The following RBFOX3 variants were observed in gnomAD, a reference collection of about 807,000 sequenced individuals.
RBFOX3 encodes the protein RNA binding protein fox-1 homolog 3.
In RBFOX3, 17 loss-of-function variants were observed where a neutral mutation model predicts 48.7. The observed-to-expected ratio is 0.35, with a 90% CI of 0.24 to 0.52. The LOEUF (loss-of-function observed/expected upper bound fraction) is 0.52. Ranked by LOEUF, RBFOX3 falls within the 20% of genes least tolerant of loss-of-function variation. RBFOX3 has a pLI of 0.94. For synonymous variants in RBFOX3, 212 were observed against 209.5 expected (o/e 1.01, Z -0.10); for missense variants, 382 against 497.5 (o/e 0.77, Z 2.21).
chr17:79,626,686 G>A, the RBFOX3 span, among the ~76,000 whole-genome samples: 2 of 152,202 alleles, frequency 1.3e-5, no homozygotes, highest in Non-Finnish European at 2.9e-5. Context: ...CAGCTCCCGG[G>A]TCACACACTG....
Position 79,138,789 on chromosome 17 carries a change from ACGCCCCCTTACCCACACACATGCG to A in RBFOX3, c.-33-23065_-33-23042del, listed in dbSNP as rs1440531786. 5.5e-3 allele frequency among the ~76,000 whole-genome samples: 155 copies of A among 27,976 alleles called. No homozygotes were observed. The Middle Eastern group carries it at 0.06, about 11-fold the overall frequency. 18.4% of individuals were successfully genotyped at this position (27,976 alleles called of 152,430 possible). A position where few individuals can be genotyped will look rare whatever the true frequency, so the allele number is the denominator to read the frequency against. On this transcript the variant is annotated intron_variant, in intron 4 of 14. Coordinates refer to ENST00000693108, the MANE Select transcript of RBFOX3 (RefSeq NM_001350451.2). ...AAACATGCACACAGCACATGCCTTC[ACGCCCCCTTACCCACACACATGCG>A]TTCACACCCCCTCACCCACACACAT...
chr17:79,252,999 T>A lies in RBFOX3; in HGVS notation c.-73-17194A>T, dbSNP rs956097926. Reference sequence around the variant, plus strand: ...AGTCCCTCTCTGAGCAGCCTCTGCTTCCCAGATGGAGCCTCTGGCCCTGAC... The same window carrying A: ...AGTCCCTCTCTGAGCAGCCTCTGCTACCCAGATGGAGCCTCTGGCCCTGAC... On this transcript the variant is annotated intron_variant, in intron 3 of 14. Coordinates refer to ENST00000693108, the MANE Select transcript of RBFOX3 (RefSeq NM_001350451.2). The surrounding 1 kb of genome is among the most constrained non-coding windows in gnomAD (Gnocchi z 4.0). 6.6e-6 allele frequency among the ~76,000 whole-genome samples: 1 copy of A among 152,156 alleles called. No homozygotes were observed. The highest frequency in any genetic ancestry group is 2.4e-5 in the African/African-American group (1 of 41,420).
At chr17:79,592,451 AG>A (rs1394429692) in intron 1 of RBFOX3, among the ~76,000 whole-genome samples, 5 of 151,134 alleles carry the variant, frequency 3.3e-5, no homozygotes, top group African/African-American at 1.2e-4. Context: ...GTGTGTGGAC[AG>A]GTGTGCATGT....
intron 2 of RBFOX3, among the ~76,000 whole-genome samples, chr17:79,345,097 T>C (rs1319829082): frequency 6.6e-6 from 1 of 152,252 alleles, no homozygotes. Flanking sequence ...CTGTTGTTTT[T>C]GCTGAACTCT....
At chr17:79,132,429 G>A (rs1381228436) in intron 4 of RBFOX3, among the ~76,000 whole-genome samples, 1 of 152,240 alleles carries the variant, frequency 6.6e-6, no homozygotes, top group Non-Finnish European at 1.5e-5. Context: ...CTGTAGCTCT[G>A]AGTGTGCACG....
At chr17:79,575,334 G>A (rs1286998833) in intron 1 of RBFOX3, among the ~76,000 whole-genome samples, 8 of 152,176 alleles carry the variant, frequency 5.3e-5, no homozygotes, top group Admixed American at 5.2e-4. Context: ...GGGGCAGAGT[G>A]AGGGAGACAA....
At chr17:79,338,141 G>A (rs2081487274) in intron 2 of RBFOX3, among the ~76,000 whole-genome samples, 1 of 152,134 alleles carries the variant, frequency 6.6e-6, no homozygotes, top group African/African-American at 2.4e-5. Flanking sequence ...GTTTCACCAT[G>A]TTGGTCAGGC....
chr17:79,663,548 G>C, the RBFOX3 span, among the ~76,000 whole-genome samples: 1 of 152,132 alleles, frequency 6.6e-6, no homozygotes, highest in Non-Finnish European at 1.5e-5. Flanking sequence ...CAGACACCTT[G>C]TGCCCCCACA....
chr17:79,366,720 G>A (rs2057807989), intron 2 of RBFOX3, among the ~76,000 whole-genome samples: 1 of 152,180 alleles, frequency 6.6e-6, no homozygotes, highest in Non-Finnish European at 1.5e-5. Flanking sequence ...AATGTTTGAG[G>A]AGCTGGAAGG....
At chr17:79,643,690 T>G in the RBFOX3 span, among the ~76,000 whole-genome samples, 1 of 152,204 alleles carries the variant, frequency 6.6e-6, no homozygotes. Context: ...TTCTAAATAT[T>G]CTATAGGTCA....
chr17:79,232,502 T>C (rs916395645), intron 4 of RBFOX3, among the ~76,000 whole-genome samples: 1 of 152,198 alleles, frequency 6.6e-6, no homozygotes, highest in Non-Finnish European at 1.5e-5. Context: ...AACTGATTTT[T>C]GATAAGACTG....
At chr17:79,160,749 G>T (rs76656012) in intron 4 of RBFOX3, among the ~76,000 whole-genome samples, 19,508 of 152,198 alleles carry the variant, frequency 0.13, 1,898 homozygotes, top group African/African-American at 0.27. Flanking sequence ...GGAGGCCAAG[G>T]TGAGTGGATC....
At chr17:79,378,802 C>T (rs966592445) in intron 2 of RBFOX3, among the ~76,000 whole-genome samples, 6 of 152,232 alleles carry the variant, frequency 3.9e-5, no homozygotes, top group African/African-American at 7.2e-5. Flanking sequence ...ATCTCAGCCT[C>T]GCCCCCGGAA....
At chr17:79,555,179 T>C (rs1233783505) in intron 1 of RBFOX3, among the ~76,000 whole-genome samples, 4 of 152,252 alleles carry the variant, frequency 2.6e-5, no homozygotes, top group African/African-American at 4.8e-5. Context: ...AATGGATGAC[T>C]GTAAAAATCA....
chr17:79,202,480 A>G (rs1379661957), intron 4 of RBFOX3, among the ~76,000 whole-genome samples: 3 of 152,166 alleles, frequency 2.0e-5, no homozygotes, highest in Non-Finnish European at 4.4e-5. Context: ...ATAAGCGCAG[A>G]GCCATACAGC....
At chr17:79,446,887 T>G (rs1255423784) in intron 2 of RBFOX3, among the ~76,000 whole-genome samples, 5 of 152,152 alleles carry the variant, frequency 3.3e-5, no homozygotes, top group Non-Finnish European at 7.4e-5. Context: ...ATAAAGCTGT[T>G]TTCTCCTACC....
At chr17:79,513,105 A>G (rs1160334207) in intron 1 of RBFOX3, among the ~76,000 whole-genome samples, 14 of 131,186 alleles carry the variant, frequency 1.1e-4, no homozygotes, top group South Asian at 2.8e-4. Context: ...CAGCCCCATA[A>G]CCAGGGGACA....
At chr17:79,502,761 G>C (rs1242192525) in intron 1 of RBFOX3, among the ~76,000 whole-genome samples, 1 of 152,176 alleles carries the variant, frequency 6.6e-6, no homozygotes, top group Non-Finnish European at 1.5e-5. Context: ...GAAAAGCATG[G>C]ATTCTGTTCC....
intron 4 of RBFOX3, among the ~76,000 whole-genome samples, chr17:79,192,225 G>A (rs1339164254): frequency 6.6e-6 from 1 of 152,166 alleles, no homozygotes; most frequent in Non-Finnish European, 1.5e-5. Context: ...TGGCAAGGAG[G>A]TGTGGGAAGT....
Sources: allele counts gnomAD v4.1 joint callset (sites outside exome capture counted in the v4.1 genomes callset), GRCh38; gene constraint gnomAD v4.1.1; non-coding constraint Gnocchi (gnomAD v3.1); transcripts MANE v1.5; gene names NCBI Gene and HGNC (gene_info 2026-07-23, HGNC 2026-07-21).